Variants in CLN3 observed in about 807,000 individuals in gnomAD.
CLN3 encodes the protein CLN3 lysosomal/endosomal transmembrane protein, battenin.
A neutral mutation model predicts 60.7 loss-of-function variants in CLN3; 49 were observed. The observed-to-expected ratio is 0.81, with a 90% CI of 0.64 to 1.02. CLN3 has a LOEUF of 1.02. Ranked by LOEUF, CLN3 falls within the 50% of genes least tolerant of loss-of-function variation. The probability of loss-of-function intolerance (pLI) is 0.00; values close to 1 mark genes in which losing one functional copy is unlikely to be tolerated. For synonymous variants in CLN3, 256 were observed against 245.8 expected (o/e 1.04, Z -0.39); for missense variants, 516 against 557.4 (o/e 0.93, Z 0.75).
chr16:28,491,941 G>A, intron 1 of CLN3, 79 bp downstream of exon 1: 3 of 795,346 alleles, frequency 3.8e-6, no homozygotes, highest in South Asian at 3.1e-5. Context: ...GCTCCATCTC[G>A]AGCGCCCTAC....
At chr16:28,469,517 A>G (rs369683558), downstream of CLN3, among the ~76,000 whole-genome samples, 309 of 139,502 alleles carry the variant, frequency 2.2e-3, 1 homozygote, top group Admixed American at 4.0e-3. Context: ...AGAATCGCTC[A>G]AACCTGGGAA....
Position 28,477,370 on chromosome 16 carries a change from A to G in CLN3, c.*146T>C. On this transcript the variant is annotated 3_prime_UTR_variant, in exon 16 of 16. Transcript: ENST00000636147. Reference sequence around the variant, plus strand: ...CAATGGCTGGCCCCCCTGCAAGGGAAACAAGGCTTCAGCCCTTCCCTACTC... The same window carrying G: ...CAATGGCTGGCCCCCCTGCAAGGGAGACAAGGCTTCAGCCCTTCCCTACTC... 9.2e-7 allele frequency: 1 copy of G among 1,084,372 alleles called. No homozygotes were observed. The highest frequency in any genetic ancestry group is 1.3e-5 in the South Asian group (1 of 76,282). The allele number at this position is 1,084,372 out of a possible 1,614,324, so 67.2% of individuals were successfully genotyped here.
chr16:28,470,176 T>A (rs1419738020), downstream of CLN3, among the ~76,000 whole-genome samples: 5 of 132,180 alleles, frequency 3.8e-5, no homozygotes, highest in South Asian at 5.7e-4. Flanking sequence ...CAGGCCCGAC[T>A]AATCTTTTTT....
intron 14 of CLN3, among the ~76,000 whole-genome samples, chr16:28,481,482 A>G (rs2046096196): frequency 6.7e-6 from 1 of 150,066 alleles, no homozygotes; most frequent in African/African-American, 2.4e-5. Flanking sequence ...ACACTACAAA[A>G]TCTTGTTCTT....
intron 10 of CLN3, 107 bp downstream of exon 10, chr16:28,483,899 C>T (rs2046153825): frequency 6.3e-6 from 5 of 795,818 alleles, no homozygotes; most frequent in Admixed American, 2.0e-5. Flanking sequence ...TTTCCCATAA[C>T]CAGTACACTC....
intron 14 of CLN3, among the ~76,000 whole-genome samples, chr16:28,481,805 G>C (rs544717065): frequency 2.0e-5 from 3 of 152,026 alleles, no homozygotes; most frequent in Non-Finnish European, 4.4e-5. Flanking sequence ...CAGCCAATAT[G>C]GCAAAATCCC....
In CLN3 at chr16:28,482,214, G is replaced by C. The variant is rs200023908; in HGVS notation, c.963-16C>G. On this transcript the variant is annotated splice_polypyrimidine_tract_variant and intron_variant, in intron 13 of 15. Transcript: ENST00000636147. ...CATCTGGTACCTGAGGTTAGGGTTG[G>C]GGGGAGGAGAGGAGGCTCCTCCAGG... 1.1e-3 allele frequency: 1,757 copies of C among 1,609,592 alleles called. 4 individuals are homozygous for C. Among genetic ancestry groups the C allele is most frequent in the Middle Eastern group, 2.6e-3 (16 of 6,060 alleles).
rs766238150 is a variant in CLN3 at position 28,478,617 on chromosome 16, T to TAAAAAAAAAAAAA, written c.1057-753_1057-741dup. 4.2e-4 allele frequency among the ~76,000 whole-genome samples: 31 copies of TAAAAAAAAAAAAA among 74,354 alleles called. 5 individuals carry two copies. Among genetic ancestry groups the TAAAAAAAAAAAAA allele is most frequent in the African/African-American group, 2.3e-3 (30 of 13,098 alleles). The allele number at this position is 74,354 out of a possible 152,430, so 48.8% of individuals were successfully genotyped here. Reference sequence around the variant, plus strand: ...GGTGACAGAGCAAGATCCTGTCTCATAAAAAAAAAAAAAAAAAAAAAAAAA... The same window carrying TAAAAAAAAAAAAA: ...GGTGACAGAGCAAGATCCTGTCTCATAAAAAAAAAAAAAAAAAAAAAAAAAAAAAAAAAAAAAA... On this transcript the variant is annotated intron_variant, in intron 14 of 15. Transcript: ENST00000636147.
Position 28,489,356 on chromosome 16 carries a change from A to G in CLN3, c.156T>C (p.Tyr52=), listed in dbSNP as rs758454511. The G allele has an allele frequency of 5.6e-6, 9 of 1,613,320 alleles. No homozygotes were observed. Among genetic ancestry groups the G allele is most frequent in the Middle Eastern group, 1.7e-4 (1 of 6,054 alleles). ...WLLGLCNNFS[Y]VVMLSAAHDI... is the part of the protein sequence containing the mutation. ...CGTGGGCGGCACTCAGCATCACCACATAAGAGAAGTTGTTGCAAAGGCCCA... is the reference window on the plus strand; with the variant it reads ...CGTGGGCGGCACTCAGCATCACCACGTAAGAGAAGTTGTTGCAAAGGCCCA... Residue 52 remains tyrosine, a synonymous_variant, in exon 4 of 16, where the codon TAT becomes TAC. Transcript: ENST00000636147.
chr16:28,484,338 G>T, intron 9 of CLN3: 1 of 561,340 alleles, frequency 1.8e-6, no homozygotes, highest in South Asian at 2.1e-5. Context: ...TCCTATTCAT[G>T]GGCCTTCATT....
At chr16:28,470,372 CA>C (rs2045937413), downstream of CLN3, 1 of 1,562,050 alleles carries the variant, frequency 6.4e-7, no homozygotes, top group Non-Finnish European at 8.6e-7. Context: ...CGTCTACTCA[CA>C]GGGGTGGGCT....
intron 2 of CLN3, 67 bp downstream of exon 2, chr16:28,491,647 C>G (rs749028873): frequency 6.2e-7 from 1 of 1,613,898 alleles, no homozygotes; most frequent in Admixed American, 1.7e-5. Flanking sequence ...CGAGTCAGCT[C>G]TCATTCCCCT....
chr16:28,475,083 C>T (rs2045980415), downstream of CLN3, among the ~76,000 whole-genome samples: 1 of 152,204 alleles, frequency 6.6e-6, no homozygotes, highest in Non-Finnish European at 1.5e-5. Context: ...AACCCCATCT[C>T]TACCAAAAAT....
intron 14 of CLN3, among the ~76,000 whole-genome samples, chr16:28,478,790 G>A (rs140767589): frequency 1.3e-4 from 20 of 152,210 alleles, no homozygotes; most frequent in Middle Eastern, 3.4e-3. Context: ...GCCTCTGCCC[G>A]CTAGATGCCC....
intron 14 of CLN3, among the ~76,000 whole-genome samples, chr16:28,479,928 G>A (rs1010267192): frequency 2.0e-5 from 3 of 152,090 alleles, no homozygotes; most frequent in Non-Finnish European, 4.4e-5. Context: ...AAATAAGGAA[G>A]GAGGCTGGAG....
chr16:28,486,931 G>GA (rs1387644974), intron 7 of CLN3: 4 of 479,712 alleles, frequency 8.3e-6, no homozygotes, highest in Non-Finnish European at 1.5e-5. Context: ...TCTTTTTGGA[G>GA]ACGGAGTCTC....
intron 2 of CLN3, 34 bp from the exon 3 acceptor site, chr16:28,491,594 T>C: frequency 6.2e-7 from 1 of 1,613,614 alleles, no homozygotes; most frequent in Non-Finnish European, 8.5e-7. Flanking sequence ...GACCCCCACC[T>C]ACTCTCAGGT....
downstream of CLN3, among the ~76,000 whole-genome samples, chr16:28,472,859 G>A (rs540109295): frequency 8.1e-5 from 12 of 148,700 alleles, no homozygotes; most frequent in Admixed American, 2.0e-4. Flanking sequence ...GGATGGTCTC[G>A]ATCTCCTGAC....
chr16:28,487,099 CG>C (rs1161132972), intron 7 of CLN3: 1 of 381,472 alleles, frequency 2.6e-6, no homozygotes, highest in African/African-American at 2.1e-5. Context: ...TTGGTAGAGA[CG>C]GGGTTTCTCC....
Sources: gnomAD v4.1 joint callset for allele counts (sites outside exome capture counted in the v4.1 genomes callset) on GRCh38, gnomAD v4.1.1 for gene constraint, MANE v1.5 for transcripts, NCBI Gene and HGNC (gene_info 2026-07-23, HGNC 2026-07-21) for gene names.